Variants in FAM107B observed in about 807,000 individuals in gnomAD.
FAM107B encodes the protein protein FAM107B.
Under a neutral mutation model 31.5 loss-of-function variants are expected in FAM107B, and 21 were observed. The observed-to-expected ratio is 0.67, with a 90% CI of 0.47 to 0.96. The LOEUF is 0.96. Ranked by LOEUF, FAM107B falls within the 40% of genes least tolerant of loss-of-function variation. FAM107B has a pLI of 0.00. For synonymous variants in FAM107B, 157 were observed against 141.5 expected (o/e 1.11, Z -0.78); for missense variants, 452 against 377.1 (o/e 1.20, Z -1.64).
chr10:14,707,687 A>G (rs1368141243), intron 1 of FAM107B, among the ~76,000 whole-genome samples: 1 of 152,166 alleles, frequency 6.6e-6, no homozygotes, highest in Non-Finnish European at 1.5e-5. Flanking sequence ...CTTCAGTGGG[A>G]GGGCCCAAGT....
intron 2 of FAM107B, chr10:14,654,092 G>T (rs1416991463): frequency 7.5e-6 from 1 of 133,152 alleles, no homozygotes; most frequent in Non-Finnish European, 1.6e-5. Flanking sequence ...CAGCTAAAAA[G>T]GCAACTCCAG....
At chr10:14,559,155 GA>G (rs1305810929) in intron 2 of FAM107B, among the ~76,000 whole-genome samples, 1 of 151,600 alleles carries the variant, frequency 6.6e-6, no homozygotes. Flanking sequence ...CCAGCACAGG[GA>G]GCAGAGAAGA....
chr10:14,704,222 T>C (rs1473418032), intron 1 of FAM107B, among the ~76,000 whole-genome samples: 1 of 152,066 alleles, frequency 6.6e-6, no homozygotes, highest in Non-Finnish European at 1.5e-5. Flanking sequence ...TCTCCTAAAT[T>C]TGTAAATTAT....
intron 2 of FAM107B, among the ~76,000 whole-genome samples, chr10:14,585,840 A>G (rs74122846): frequency 0.017 from 2,553 of 152,274 alleles, 71 homozygotes; most frequent in African/African-American, 0.058. Context: ...TAGGGTGACC[A>G]TATTAATTGT....
At chr10:14,759,781 G>A (rs1280705442) in intron 1 of FAM107B, among the ~76,000 whole-genome samples, 4 of 151,488 alleles carry the variant, frequency 2.6e-5, no homozygotes, top group African/African-American at 4.9e-5. Context: ...GTGCGATCTC[G>A]GTTCACTGCA....
At chr10:14,687,045 G>C (rs961961411) in intron 1 of FAM107B, among the ~76,000 whole-genome samples, 14 of 152,264 alleles carry the variant, frequency 9.2e-5, no homozygotes, top group African/African-American at 3.4e-4. Flanking sequence ...CGAAGCCTCA[G>C]AGATGCTGAA....
intron 2 of FAM107B, among the ~76,000 whole-genome samples, chr10:14,638,188 T>G (rs1853549033): frequency 6.6e-6 from 1 of 152,320 alleles, no homozygotes; most frequent in South Asian, 2.1e-4. Flanking sequence ...GTTTTCAGTT[T>G]CTTCTTTGTT....
intron 2 of FAM107B, among the ~76,000 whole-genome samples, chr10:14,593,071 G>A (rs1195489978): frequency 1.3e-5 from 2 of 152,150 alleles, no homozygotes; most frequent in Non-Finnish European, 2.9e-5. Context: ...TTAAAAAATG[G>A]CAGACTTCCC....
At chr10:14,622,800 T>C (rs1158510701) in intron 2 of FAM107B, among the ~76,000 whole-genome samples, 1 of 152,208 alleles carries the variant, frequency 6.6e-6, no homozygotes, top group Admixed American at 6.5e-5. Flanking sequence ...AGCATTTGTG[T>C]CCCAGTTTAT....
rs878879597 is a variant in FAM107B, at chr10:14,569,790, G to A, written c.470-39275C>T. Among the ~76,000 whole-genome samples the A allele has an allele frequency of 3.3e-5, 5 of 152,246 alleles. 1 individual carries two copies. Among genetic ancestry groups the A allele is most frequent in the East Asian group, 3.9e-4 (2 of 5,178 alleles). On this transcript the variant is annotated intron_variant, in intron 2 of 4. Transcript: ENST00000181796. ...CCTTCTCCCTCCTCAATGCAAGGCC[G>A]TGCTTCCCCAAACAAGATCTGGGAC...
chr10:14,589,747 C>T (rs1026304180), intron 2 of FAM107B, among the ~76,000 whole-genome samples: 1 of 152,060 alleles, frequency 6.6e-6, no homozygotes, highest in East Asian at 1.9e-4. Context: ...GCCAAACCAC[C>T]GTGGCACATG....
At chr10:14,640,882 C>T (rs188168441) in intron 2 of FAM107B, among the ~76,000 whole-genome samples, 1 of 152,298 alleles carries the variant, frequency 6.6e-6, no homozygotes, top group African/African-American at 2.4e-5. Flanking sequence ...CCAATTCTCA[C>T]ATTTTCCCCT....
intron 2 of FAM107B, among the ~76,000 whole-genome samples, chr10:14,539,992 G>A (rs1330457436): frequency 6.6e-6 from 1 of 152,198 alleles, no homozygotes; most frequent in East Asian, 1.9e-4. Context: ...AACGAGAAGG[G>A]CGACCAGACG....
intron 2 of FAM107B, among the ~76,000 whole-genome samples, chr10:14,649,080 A>G (rs1853836298): frequency 1.3e-5 from 2 of 152,238 alleles, no homozygotes; most frequent in Admixed American, 6.5e-5. Flanking sequence ...GCATTCTAAA[A>G]TAAGCACACC....
chr10:14,652,573 G>A (rs758231108), intron 2 of FAM107B, among the ~76,000 whole-genome samples: 6 of 152,178 alleles, frequency 3.9e-5, no homozygotes, highest in Middle Eastern at 3.4e-3. Context: ...TACTTTCTAG[G>A]GCTGTTAAGA....
chr10:14,592,864 G>A (rs978349623), intron 2 of FAM107B, among the ~76,000 whole-genome samples: 7 of 152,170 alleles, frequency 4.6e-5, no homozygotes, highest in Admixed American at 4.6e-4. Context: ...CCTTGGCAAC[G>A]GAAGATAACA....
In FAM107B at chr10:14,520,995, C is replaced by G; in HGVS notation, c.*195G>C. On this transcript the variant is annotated 3_prime_UTR_variant, in exon 5 of 5. Coordinates refer to ENST00000181796, the MANE Select transcript of FAM107B (RefSeq NM_031453.4). ...AACTTACGTGCGGGGCACTGCCCTTCATTTGGCGAATAGGAACTGCAACTG... is the reference window on the plus strand; with the variant it reads ...AACTTACGTGCGGGGCACTGCCCTTGATTTGGCGAATAGGAACTGCAACTG... 1.8e-6 allele frequency: 1 copy of G among 540,786 alleles called. No homozygotes were observed. 33.5% of individuals were successfully genotyped at this position (540,786 alleles called of 1,614,324 possible). A position where few individuals can be genotyped will look rare whatever the true frequency, so the allele number is the denominator to read the frequency against.
intron 2 of FAM107B, among the ~76,000 whole-genome samples, chr10:14,570,233 G>GGTGGGGGTGTGTGTGTGTGTGTGT (rs768204428): frequency 7.1e-6 from 1 of 140,340 alleles, no homozygotes; most frequent in Non-Finnish European, 1.6e-5. Context: ...AAATGTGGTG[G>GGTGGGGGTGTGTGTGTGTGTGTGT]GTGTGTGTGT....
intron 2 of FAM107B, among the ~76,000 whole-genome samples, chr10:14,601,339 G>A (rs1032841326): frequency 2.6e-5 from 4 of 152,164 alleles, no homozygotes; most frequent in African/African-American, 4.8e-5. Flanking sequence ...TCTTCAGCAC[G>A]TTTCCTAAGT....
Sources: gnomAD v4.1 joint callset for allele counts (sites outside exome capture counted in the v4.1 genomes callset) on GRCh38, gnomAD v4.1.1 for gene constraint, MANE v1.5 for transcripts, NCBI Gene and HGNC (gene_info 2026-07-23, HGNC 2026-07-21) for gene names.